The following KRCC1 variants were observed in gnomAD, a reference collection of about 807,000 sequenced individuals.
The protein encoded by KRCC1 is lysine rich coiled-coil 1, also known as lysine-rich coiled-coil protein 1.
In KRCC1, 3 loss-of-function variants were observed where a neutral mutation model predicts 7.4. The observed-to-expected ratio is 0.40, with a 90% CI of 0.18 to 1.04. The LOEUF (loss-of-function observed/expected upper bound fraction) is 1.04. Ranked by LOEUF, KRCC1 falls within the 50% of genes least tolerant of loss-of-function variation. The pLI, the probability that KRCC1 is intolerant of heterozygous loss-of-function variation, is 0.33. For synonymous variants in KRCC1, 102 were observed against 101.6 expected (o/e 1.00, Z -0.02); for missense variants, 277 against 300.9 (o/e 0.92, Z 0.59).
intron 1 of KRCC1, among the ~76,000 whole-genome samples, chr2:88,052,377 T>G (rs1359073610): frequency 6.6e-6 from 1 of 152,256 alleles, no homozygotes; most frequent in Non-Finnish European, 1.5e-5. Context: ...AACACTGACT[T>G]TGTGTGTAAG....
At chr2:88,054,165 C>A (rs1425177247) in intron 1 of KRCC1, among the ~76,000 whole-genome samples, 1 of 152,148 alleles carries the variant, frequency 6.6e-6, no homozygotes, top group Non-Finnish European at 1.5e-5. Context: ...GTGTTAGGGG[C>A]AATGTGTTGG....
chr2:88,033,901 A>G (rs959129470), intron 3 of KRCC1, among the ~76,000 whole-genome samples: 16 of 152,352 alleles, frequency 1.1e-4, no homozygotes, highest in Admixed American at 1.0e-3. Context: ...CAGCAGCACT[A>G]TTCATTACAA....
chr2:88,048,480 A>C (rs374917476), intron 1 of KRCC1, among the ~76,000 whole-genome samples: 3 of 152,218 alleles, frequency 2.0e-5, no homozygotes, highest in African/African-American at 7.2e-5. Context: ...TATTTTTAAA[A>C]AAATGTTTCT....
intron 3 of KRCC1, among the ~76,000 whole-genome samples, chr2:88,032,895 G>A (rs1673021951): frequency 6.6e-6 from 1 of 151,996 alleles, no homozygotes; most frequent in South Asian, 2.1e-4. Context: ...GAGCTCAGAA[G>A]TTCAAGACCA....
intron 3 of KRCC1, 59 bp from the exon 4 acceptor site, chr2:88,028,644 CTTTTTTTTTT>C (rs35917852): frequency 1.2e-5 from 6 of 503,404 alleles, no homozygotes; most frequent in Non-Finnish European, 2.0e-5. Context: ...TTCCTTTGCT[CTTTTTTTTTT>C]TTTTTTTTTT....
intron 1 of KRCC1, among the ~76,000 whole-genome samples, chr2:88,046,834 C>A (rs535950905): frequency 6.6e-6 from 1 of 152,266 alleles, no homozygotes; most frequent in Admixed American, 6.5e-5. Flanking sequence ...CTAAGCCCAG[C>A]TTATTTTTTA....
Position 88,027,906 on chromosome 2 carries a change from T to C in KRCC1, c.658A>G (p.Lys220Glu). 2 of 1,614,062 alleles carry C rather than the reference T, an allele frequency of 1.2e-6. No individual in the cohort carries two copies. Among genetic ancestry groups the C allele is most frequent in the Middle Eastern group, 1.6e-4 (1 of 6,062 alleles). ...TTAGAGACTACATCTCGGCTTTTTTTCTCCTTTCGATTCTTAAGCTTTTCT... is the reference window on the plus strand; with the variant it reads ...TTAGAGACTACATCTCGGCTTTTTTCCTCCTTTCGATTCTTAAGCTTTTCT... ...STEKLKNRKEKKSRDVVSKKE... is the reference protein window; with the variant it reads ...STEKLKNRKEEKSRDVVSKKE... The change falls in exon 4 of 4, where the codon AAA becomes GAA. Residue 220 changes from lysine to glutamate, a missense_variant. By Grantham distance (56) the Lys-to-Glu change is moderately conservative (BLOSUM62 1). Coordinates refer to ENST00000347055, the MANE Select transcript of KRCC1 (RefSeq NM_016618.3).
At chr2:88,047,236 C>T (rs1359837009) in intron 1 of KRCC1, among the ~76,000 whole-genome samples, 3 of 152,098 alleles carry the variant, frequency 2.0e-5, no homozygotes, top group Non-Finnish European at 4.4e-5. Flanking sequence ...CGCAACTTGA[C>T]GCTGAATTAT....
intron 1 of KRCC1, among the ~76,000 whole-genome samples, chr2:88,053,075 T>C (rs1009784794): frequency 1.3e-5 from 2 of 152,072 alleles, no homozygotes; most frequent in Non-Finnish European, 2.9e-5. Flanking sequence ...CTCTGCTCAA[T>C]GATGACAACC....
chr2:88,050,390 G>A (rs1275612197), intron 1 of KRCC1, among the ~76,000 whole-genome samples: 1 of 152,184 alleles, frequency 6.6e-6, no homozygotes, highest in African/African-American at 2.4e-5. Flanking sequence ...GGAGGCTGAG[G>A]TAGGCAGATC....
intron 3 of KRCC1, among the ~76,000 whole-genome samples, chr2:88,032,705 A>C (rs1673018103): frequency 6.6e-6 from 1 of 152,238 alleles, no homozygotes; most frequent in Admixed American, 6.5e-5. Context: ...TAACGATACA[A>C]TGAAATACTA....
intron 1 of KRCC1, among the ~76,000 whole-genome samples, chr2:88,040,910 G>C (rs1342114871): frequency 6.6e-6 from 1 of 151,998 alleles, no homozygotes; most frequent in Non-Finnish European, 1.5e-5. Flanking sequence ...GTAAAGAAAG[G>C]GTATTCTGGA....
Position 88,047,162 on chromosome 2 carries a change from T to C in KRCC1, c.-291+8464A>G, listed in dbSNP as rs200345420. On this transcript the variant is annotated intron_variant, in intron 1 of 3. Coordinates refer to ENST00000347055, the MANE Select transcript of KRCC1 (RefSeq NM_016618.3). ...ATTCTAGATTTACCAATCTGTTACA[T>C]TCTACCTACCTTTTAGAAACAGCAA... 2.5e-4 allele frequency among the ~76,000 whole-genome samples: 38 copies of C among 152,372 alleles called. No individual in the cohort carries two copies. The East Asian group carries it at 6.6e-3, about 26-fold the overall frequency.
At chr2:88,048,068 TTA>T in intron 1 of KRCC1, among the ~76,000 whole-genome samples, 1 of 142,462 alleles carries the variant, frequency 7.0e-6, no homozygotes, top group South Asian at 2.3e-4. Context: ...GTCAGCAATG[TTA>T]TGTCATTTTC....
At chr2:88,037,717 A>G (rs1325613069) in intron 1 of KRCC1, among the ~76,000 whole-genome samples, 2 of 152,180 alleles carry the variant, frequency 1.3e-5, no homozygotes, top group Non-Finnish European at 2.9e-5. Context: ...CCCACAGACT[A>G]TCTTAACCTG....
rs1672898045 is a variant in KRCC1, at chr2:88,027,616, C to A, written c.*168G>T. 2 of 498,446 alleles carry A rather than the reference C, an allele frequency of 4.0e-6. No homozygotes were observed. The highest frequency in any genetic ancestry group is 2.0e-5 in the African/African-American group (1 of 50,708). 30.9% of individuals were successfully genotyped at this position (498,446 alleles called of 1,614,324 possible). ...AATGCTTTTAGAAAATGAGGAAAAG[C>A]AATTTCTGTGTTGGAGAGCAAGCAT... On this transcript the variant is annotated 3_prime_UTR_variant, in exon 4 of 4. Coordinates refer to ENST00000347055, the MANE Select transcript of KRCC1 (RefSeq NM_016618.3).
intron 3 of KRCC1, among the ~76,000 whole-genome samples, chr2:88,033,856 C>T (rs1237630407): frequency 1.3e-5 from 2 of 152,152 alleles, no homozygotes; most frequent in South Asian, 2.1e-4. Flanking sequence ...GAATGAAAAC[C>T]TATGTCCATG....
intron 3 of KRCC1, among the ~76,000 whole-genome samples, chr2:88,031,203 G>A (rs763980169): frequency 6.6e-6 from 1 of 152,110 alleles, no homozygotes; most frequent in African/African-American, 2.4e-5. Flanking sequence ...TACTGCCCCT[G>A]AAGACCCCCC....
chr2:88,055,312 C>G (rs1428400376), intron 1 of KRCC1, among the ~76,000 whole-genome samples: 1 of 152,122 alleles, frequency 6.6e-6, no homozygotes, highest in Non-Finnish European at 1.5e-5. Flanking sequence ...CCCCACTTCC[C>G]TTTCCCTGAC....
Sources: gnomAD v4.1 joint callset for allele counts (sites outside exome capture counted in the v4.1 genomes callset) on GRCh38, gnomAD v4.1.1 for gene constraint, MANE v1.5 for transcripts, NCBI Gene and HGNC (gene_info 2026-07-23, HGNC 2026-07-21) for gene names.